The following TET3 variants were observed in gnomAD, a reference collection of about 807,000 sequenced individuals.
TET3 encodes the protein methylcytosine dioxygenase TET3.
A neutral mutation model predicts 141.4 loss-of-function variants in TET3; 19 were observed. The observed-to-expected ratio is 0.13, with a 90% CI of 0.09 to 0.20. TET3 has a LOEUF of 0.20. Ranked by LOEUF, TET3 falls within the 10% of genes least tolerant of loss-of-function variation. The pLI is 1.00. For missense variants in TET3, 1,874 were observed against 2,356.9 expected (o/e 0.80, Z 4.24); for synonymous variants, 1,043 against 980.9 (o/e 1.06, Z -1.18).
rs759401050 is a variant in TET3 at position 74,073,607 on chromosome 2, G to T, written c.2553G>T (p.Thr851=). The T allele has an allele frequency of 1.2e-6, 2 of 1,612,012 alleles. No individual in the cohort carries two copies. Among genetic ancestry groups the T allele is most frequent in the South Asian group, 2.2e-5 (2 of 90,372 alleles). ...ATACTCACTTGGGATCTGGCCCCAC[G>T]GTCGCCTCTATCCGGGAACTCATGG... The part of the protein sequence containing the change: ...PYYTHLGSGP[T]VASIRELMEE... Residue 851 remains threonine, a synonymous_variant, in exon 5 of 12, where the codon ACG becomes ACT. Transcript: ENST00000409262.
chr2:74,067,772 A>G (rs1688990174), intron 4 of TET3, among the ~76,000 whole-genome samples: 1 of 152,230 alleles, frequency 6.6e-6, no homozygotes, highest in Non-Finnish European at 1.5e-5. Flanking sequence ...CACTGTTGTC[A>G]GTGAGAAAAC....
At chr2:74,032,453 G>C (rs1196541263) in intron 3 of TET3, among the ~76,000 whole-genome samples, 13 of 4,332 alleles carry the variant, frequency 3.0e-3, no homozygotes, top group African/African-American at 9.0e-3. Context: ...GTGTGTCTCT[G>C]TGTGTGTGTG....
chr2:74,064,329 G>A (rs547260507), intron 4 of TET3, among the ~76,000 whole-genome samples: 7 of 152,272 alleles, frequency 4.6e-5, no homozygotes, highest in African/African-American at 1.7e-4. Context: ...TCTTCAAAAA[G>A]AGTACAGTGT....
the TET3 span, among the ~76,000 whole-genome samples, chr2:74,119,201 A>G: frequency 6.6e-6 from 1 of 152,006 alleles, no homozygotes; most frequent in Non-Finnish European, 1.5e-5. Flanking sequence ...AAAAATCCAA[A>G]AATTAGCTGG....
chr2:74,040,224 G>A (rs1687272585), intron 3 of TET3, among the ~76,000 whole-genome samples: 1 of 152,088 alleles, frequency 6.6e-6, no homozygotes, highest in African/African-American at 2.4e-5. Context: ...GGAGAAGAGT[G>A]TGTGTGTGGT....
At position 74,099,240 on chromosome 2, in the gene TET3, A is replaced by G. The variant is rs771118205; in HGVS notation, c.3268-36A>G. The G allele has an allele frequency of 4.2e-5, 64 of 1,525,940 alleles. 1 individual carries two copies. The East Asian group carries it at 1.5e-3, about 37-fold the overall frequency. The allele number at this position is 1,525,940 out of a possible 1,614,324, so 94.5% of individuals were successfully genotyped here. ...CCTCTCTCCCAGCACTCGGTCCCCCAACCCCATGTCCTCTCTCCCCCACTG... is the reference window on the plus strand; with the variant it reads ...CCTCTCTCCCAGCACTCGGTCCCCCGACCCCATGTCCTCTCTCCCCCACTG... On this transcript the variant is annotated intron_variant, in intron 10 of 11. Coordinates refer to ENST00000409262, the MANE Select transcript of TET3 (RefSeq NM_001287491.2).
chr2:73,991,039 C>T (rs2105080542), intron 2 of TET3, among the ~76,000 whole-genome samples: 1 of 151,854 alleles, frequency 6.6e-6, no homozygotes, highest in South Asian at 2.1e-4. Context: ...GAACTCCTGA[C>T]CTCAGGTGAT....
intron 3 of TET3, among the ~76,000 whole-genome samples, chr2:74,028,314 C>T (rs1686490259): frequency 1.3e-5 from 2 of 151,830 alleles, no homozygotes; most frequent in African/African-American, 4.8e-5. Flanking sequence ...TGATGGTGTC[C>T]TTTGAAACTC....
In TET3 at chr2:74,102,113, G is replaced by A. The variant is rs371197422; in HGVS notation, c.5325G>A (p.Ser1775=). The change falls in exon 12 of 12, where the codon TCG becomes TCA. Residue 1775 remains serine (S), a synonymous_variant. Coordinates refer to ENST00000409262, the MANE Select transcript of TET3 (RefSeq NM_001287491.2). ...TRQALAVPTD[S]AVTVSSYAYT... The stretch of plus-strand genomic sequence containing the variant: ...AGGCACTGGCTGTGCCCACAGACTC[G>A]GCGGTCACCGTGTCCTCCTATGCCT... 6.7e-5 allele frequency: 100 copies of A among 1,492,242 alleles called. No homozygotes were observed. The highest frequency in any genetic ancestry group is 8.3e-5 in the Non-Finnish European group (93 of 1,121,758). 92.4% of individuals were successfully genotyped at this position (1,492,242 alleles called of 1,614,324 possible).
intron 3 of TET3, among the ~76,000 whole-genome samples, chr2:74,029,073 A>G (rs1686531628): frequency 6.6e-6 from 1 of 152,226 alleles, no homozygotes; most frequent in Non-Finnish European, 1.5e-5. Context: ...AACAGCAAAT[A>G]CTAGTGTTAC....
chr2:74,102,515 T>G lies in TET3; in HGVS notation c.*339T>G. ...TTGTTTTTAAAACTCTATCCTTGTA[T>G]ATCACAATAATGGAAAGAAAGTTTA... On this transcript the variant is annotated 3_prime_UTR_variant, in exon 12 of 12. Transcript: ENST00000409262. 1.1e-5 allele frequency: 2 copies of G among 174,616 alleles called. No homozygotes were observed. The highest frequency in any genetic ancestry group is 1.2e-5 in the Non-Finnish European group (1 of 83,354). The allele number at this position is 174,616 out of a possible 1,614,324, so 10.8% of individuals were successfully genotyped here. A position where few individuals can be genotyped will look rare whatever the true frequency, so the allele number is the denominator to read the frequency against.
At chr2:74,035,095 G>C (rs951316987) in intron 3 of TET3, among the ~76,000 whole-genome samples, 2 of 151,222 alleles carry the variant, frequency 1.3e-5, no homozygotes, top group African/African-American at 4.9e-5. Flanking sequence ...CCAGCTATTC[G>C]GGAGGCTGAG....
At chr2:74,013,474 T>C (rs1316321818) in intron 3 of TET3, among the ~76,000 whole-genome samples, 1 of 152,148 alleles carries the variant, frequency 6.6e-6, no homozygotes, top group Non-Finnish European at 1.5e-5. Context: ...CTTTATTCTT[T>C]GGTATAATTT....
rs1691533833 is a variant in TET3, at chr2:74,106,962, A to G, written c.*4786A>G. 3 of 152,380 alleles carry G rather than the reference A, an allele frequency of 2.0e-5. No individual in the cohort carries two copies. The South Asian group carries it at 6.2e-4, about 32-fold the overall frequency. The allele number at this position is 152,380 out of a possible 1,614,324, so 9.4% of individuals were successfully genotyped here. A position where few individuals can be genotyped will look rare whatever the true frequency, so the allele number is the denominator to read the frequency against. ...TGTTTAAGTTTTGCTTTTGAATAAA[A>G]TGTGAATTTCCTATGCCCATCTCAT... On this transcript the variant is annotated 3_prime_UTR_variant, in exon 12 of 12. Transcript: ENST00000409262.
intron 3 of TET3, among the ~76,000 whole-genome samples, chr2:74,038,086 C>G (rs916029057): frequency 1.3e-5 from 2 of 152,108 alleles, no homozygotes; most frequent in African/African-American, 4.8e-5. Context: ...ATTTGGGAGT[C>G]TAAGAAGACA....
chr2:73,984,396 C>G (rs1013045081), upstream of TET3, among the ~76,000 whole-genome samples: 6 of 152,194 alleles, frequency 3.9e-5, no homozygotes, highest in Non-Finnish European at 7.4e-5. This position sits in a 1 kb window ranked among gnomAD's most constrained non-coding sequence, Gnocchi z 5.6. Context: ...GGTACGCAAA[C>G]GCGCGATGTC....
intron 1 of TET3, among the ~76,000 whole-genome samples, chr2:73,985,388 C>T (rs1683962908): frequency 6.9e-6 from 1 of 144,568 alleles, no homozygotes; most frequent in African/African-American, 2.5e-5. Context: ...GGCGGAGGCC[C>T]CAGAACAAAG....
chr2:74,054,780 G>A (rs1688126157), intron 4 of TET3, among the ~76,000 whole-genome samples: 1 of 152,178 alleles, frequency 6.6e-6, no homozygotes, highest in Non-Finnish European at 1.5e-5. Context: ...AGAAAAGAAG[G>A]GTTAGGATTT....
At position 74,047,289 on chromosome 2, in the gene TET3, G is replaced by A. The variant is rs377755568; in HGVS notation, c.1372G>A (p.Asp458Asn). The stretch of plus-strand genomic sequence containing the variant: ...CTGGCCCATGCCTCGCCCAAGCCCC[G>A]ATCCCATGGCTGAACTGGAGCAGTT... ...SSWPMPRPSP[D>N]PMAELEQLLG... Residue 458 changes from aspartate to asparagine, a missense_variant, in exon 4 of 12, where the codon GAT becomes AAT. By Grantham distance (23) the Asp-to-Asn change is conservative (BLOSUM62 1). Around this residue, in one of 10 missense-constraint regions of TET3, gnomAD observed 484 missense variants for 462.2 expected, o/e 1.05. Transcript: ENST00000409262. The A allele has an allele frequency of 2.0e-5, 32 of 1,613,824 alleles. No homozygotes were observed. Among genetic ancestry groups the A allele is most frequent in the South Asian group, 3.3e-5 (3 of 91,080 alleles).
Sources: gnomAD v4.1 joint callset for allele counts (sites outside exome capture counted in the v4.1 genomes callset) on GRCh38, gnomAD v4.1.1 for gene constraint, gnomAD v4.1.1 regional missense constraint, Gnocchi (gnomAD v3.1) non-coding constraint, MANE v1.5 for transcripts, NCBI Gene and HGNC (gene_info 2026-07-23, HGNC 2026-07-21) for gene names.